Variants in FAM184B observed in about 807,000 individuals in gnomAD.
FAM184B encodes family with sequence similarity 184 member B.
FAM184B carries 111 observed loss-of-function variants against 135.9 expected under a neutral mutation model. The ratio of observed to expected loss-of-function variants is 0.82; its 90% CI spans 0.70 to 0.96. The LOEUF (loss-of-function observed/expected upper bound fraction) is 0.96. Among genes scored for constraint, FAM184B ranks in the 40% least tolerant of loss-of-function variants. The pLI is 0.00. For synonymous variants in FAM184B, 552 were observed against 524.8 expected (o/e 1.05, Z -0.71); for missense variants, 1,375 against 1,323.9 (o/e 1.04, Z -0.60).
Position 17,664,628 on chromosome 4 carries a change from G to C in FAM184B, c.1628C>G (p.Pro543Arg). The change falls in exon 8 of 18, where the codon CCG (proline) becomes CGG (arginine). Residue 543 changes from proline (P) to arginine (R), a missense_variant. Physicochemically the swap from Pro to Arg is moderately radical, Grantham distance 103 (BLOSUM62 -2). Coordinates refer to ENST00000265018, the MANE Select transcript of FAM184B (RefSeq NM_015688.2). ...DPCLKLDETS[P>R]RGEEYQDKLA... is the part of the protein sequence containing the mutation. ...CTTATCTTGATACTCCTCTCCTCTC[G>C]GCGAAGTTTCATCCAGCTTCAAGCA... 6.4e-7 allele frequency: 1 copy of C among 1,550,486 alleles called. No individual in the cohort carries two copies. Among genetic ancestry groups the C allele is most frequent in the Non-Finnish European group, 8.7e-7 (1 of 1,146,836 alleles).
chr4:17,723,863 G>C (rs1024712966), intron 1 of FAM184B, among the ~76,000 whole-genome samples: 3 of 152,112 alleles, frequency 2.0e-5, no homozygotes, highest in Non-Finnish European at 4.4e-5. Flanking sequence ...AAAGCGTAGC[G>C]TGCCTGCCAC....
intron 7 of FAM184B, among the ~76,000 whole-genome samples, chr4:17,674,581 T>C (rs10433814): frequency 0.017 from 2,608 of 152,210 alleles, 74 homozygotes; most frequent in East Asian, 0.097. Context: ...ATCGCTTGAC[T>C]CTGTCTTTCA....
rs1356765446 is a variant in FAM184B at position 17,630,179 on chromosome 4, A to G, written c.*2353T>C. ...AAGTGCAGCCTGGGAAAGTGTTTCA[A>G]CACACAAAAATAGAACCACCTGTAT... is the stretch of plus-strand genomic sequence containing the variant. On this transcript the variant is annotated 3_prime_UTR_variant, in exon 18 of 18. Coordinates refer to ENST00000265018, the MANE Select transcript of FAM184B (RefSeq NM_015688.2). The G allele has an allele frequency of 1.3e-5, 2 of 152,206 alleles. No individual in the cohort carries two copies. Among genetic ancestry groups the G allele is most frequent in the Admixed American group, 6.5e-5 (1 of 15,282 alleles). The allele number at this position is 152,206 out of a possible 1,614,324, so 9.4% of individuals were successfully genotyped here.
chr4:17,639,248 ACT>A lies in FAM184B; in HGVS notation c.2666_2666+1del, dbSNP rs1306471099. On this transcript the variant is annotated splice_donor_variant and coding_sequence_variant, in exon 14 of 18. Coordinates refer to ENST00000265018, the MANE Select transcript of FAM184B (RefSeq NM_015688.2). LOFTEE classifies it high-confidence loss of function. ...CTCCCTGGGGCCCGAGGCCTCACTT[ACT>A]CGGCTTCCAGGGCAGCCAGCCGGGC... is the stretch of plus-strand genomic sequence containing the variant. 91 of 1,551,408 alleles carry A rather than the reference ACT, an allele frequency of 5.9e-5. No homozygotes were observed. Among genetic ancestry groups the A allele is most frequent in the Non-Finnish European group, 7.9e-5 (91 of 1,146,950 alleles).
intron 5 of FAM184B, 113 bp from the exon 6 acceptor site, chr4:17,693,525 A>G (rs1716785099): frequency 1.3e-6 from 1 of 751,050 alleles, no homozygotes; most frequent in Non-Finnish European, 2.2e-6. Context: ...GTCATACAAC[A>G]CTGCAAATAA....
rs73800375 is a variant in FAM184B at position 17,737,638 on chromosome 4, G to A, written c.142-27994C>T. ...CAGCTTTGGCTCCAGAAGTTGAGTT[G>A]ACTGATTTATCTTTCGATTTTCAGT... On this transcript the variant is annotated intron_variant, in intron 1 of 17. Transcript: ENST00000265018. 8.4e-3 allele frequency among the ~76,000 whole-genome samples: 1,281 copies of A among 152,190 alleles called. 19 individuals carry two copies. Among genetic ancestry groups the A allele is most frequent in the African/African-American group, 0.028 (1,177 of 41,526 alleles).
rs1280099659 is a variant in FAM184B, at chr4:17,652,901, A to G, written c.2120T>C (p.Leu707Ser). The part of the protein sequence containing the change: ...HQTHRLELQA[L>S]EEKARQELQE... ...CAGCTCTTGCCTGGCCTTTTCCTCCAAGGCCTGGAGCTCCAGTCGGTGTGT... is the reference window on the plus strand; with the variant it reads ...CAGCTCTTGCCTGGCCTTTTCCTCCGAGGCCTGGAGCTCCAGTCGGTGTGT... Residue 707 changes from leucine to serine, a missense_variant, in exon 11 of 18, where the codon TTG becomes TCG. Leu to Ser is a moderately radical substitution (Grantham distance 145). Transcript: ENST00000265018. The G allele has an allele frequency of 5.8e-6, 9 of 1,551,570 alleles. No homozygotes were observed. The highest frequency in any genetic ancestry group is 1.4e-5 in the African/African-American group (1 of 73,028).
rs890800186 is a variant in FAM184B, at chr4:17,634,387, G to A, written c.2890-499C>T. ...CACCCAAGCTGGAGTACGGTGGTGCGATCTCAGCTCACTGCAACCTCCGCC... is the reference window on the plus strand; with the variant it reads ...CACCCAAGCTGGAGTACGGTGGTGCAATCTCAGCTCACTGCAACCTCCGCC... On this transcript the variant is annotated intron_variant, in intron 16 of 17. Coordinates refer to ENST00000265018, the MANE Select transcript of FAM184B (RefSeq NM_015688.2). 5.9e-5 allele frequency among the ~76,000 whole-genome samples: 9 copies of A among 152,246 alleles called. No individual in the cohort carries two copies. In the South Asian group the frequency reaches 8.3e-4, roughly 14 times the overall value.
At chr4:17,642,021 G>T in intron 13 of FAM184B, 35 bp downstream of exon 13, 1 of 1,504,500 alleles carries the variant, frequency 6.6e-7, no homozygotes, top group South Asian at 1.3e-5. Flanking sequence ...AGGGGGTGAG[G>T]GTGGCGCGGT....
intron 1 of FAM184B, among the ~76,000 whole-genome samples, chr4:17,765,942 G>A (rs1488619957): frequency 2.6e-5 from 4 of 152,210 alleles, no homozygotes; most frequent in Middle Eastern, 3.4e-3. Context: ...AGCACATCTA[G>A]AATTACTCCT....
intron 10 of FAM184B, among the ~76,000 whole-genome samples, chr4:17,656,572 T>G (rs1412527243): frequency 6.6e-6 from 1 of 152,172 alleles, no homozygotes; most frequent in Non-Finnish European, 1.5e-5. Context: ...TGGCTAATTT[T>G]TGTATTTTTA....
In FAM184B at chr4:17,647,646, G is replaced by T; in HGVS notation, c.2337C>A (p.Ile779=). ...QCPGDSKDHI[I]ATEERGGPGQ... ...GGGCGGGGGCACTGACCTCTGTGGCGATTATGTGATCCTTGCTGTCTCCTG... is the reference window on the plus strand; with the variant it reads ...GGGCGGGGGCACTGACCTCTGTGGCTATTATGTGATCCTTGCTGTCTCCTG... The change falls in exon 12 of 18, where the codon ATC becomes ATA. Residue 779 remains isoleucine, a synonymous_variant. Transcript: ENST00000265018. 1.9e-6 allele frequency: 3 copies of T among 1,549,932 alleles called. No individual in the cohort carries two copies. Among genetic ancestry groups the T allele is most frequent in the Admixed American group, 2.0e-5 (1 of 50,990 alleles).
chr4:17,649,028 CT>C (rs1715538581), intron 11 of FAM184B, among the ~76,000 whole-genome samples: 1 of 152,146 alleles, frequency 6.6e-6, no homozygotes. Context: ...CTGTAATGAG[CT>C]TTTGAGACTC....
rs1026526589 is a variant in FAM184B, at chr4:17,699,333, T to C, written c.1377+5667A>G. On this transcript the variant is annotated intron_variant, in intron 5 of 17. Transcript: ENST00000265018. ...ATGGCCATAAAATTTCCAAATTTCA[T>C]GAAAACTGTAAACTCATAGATTCAA... Among the ~76,000 whole-genome samples, 6 of 152,146 alleles carry C rather than the reference T, an allele frequency of 3.9e-5. No individual in the cohort carries two copies. The East Asian group carries it at 7.7e-4, about 20-fold the overall frequency.
chr4:17,642,346 C>G, intron 12 of FAM184B, 118 bp from the exon 13 acceptor site: 1 of 1,374,508 alleles, frequency 7.3e-7, no homozygotes. Context: ...CAGGCTGGAG[C>G]CTGTGGCAGG....
At chr4:17,741,770 C>T (rs1045714493) in intron 1 of FAM184B, among the ~76,000 whole-genome samples, 1 of 152,162 alleles carries the variant, frequency 6.6e-6, no homozygotes, top group Non-Finnish European at 1.5e-5. Context: ...AGGACACTCT[C>T]CTGGGTTAAA....
intron 7 of FAM184B, among the ~76,000 whole-genome samples, chr4:17,674,239 G>C (rs187174087): frequency 2.6e-5 from 4 of 152,210 alleles, no homozygotes; most frequent in Non-Finnish European, 5.9e-5. Flanking sequence ...TGTAGGTTCA[G>C]TTCCAGACTA....
chr4:17,734,468 C>T (rs1717861039), intron 1 of FAM184B, among the ~76,000 whole-genome samples: 1 of 152,106 alleles, frequency 6.6e-6, no homozygotes, highest in African/African-American at 2.4e-5. Context: ...CTACAATGAA[C>T]TCAAACAAAT....
chr4:17,679,804 A>C (rs920566630), intron 7 of FAM184B, among the ~76,000 whole-genome samples: 27 of 152,224 alleles, frequency 1.8e-4, no homozygotes, highest in African/African-American at 6.5e-4. Context: ...GTGGTTAAAA[A>C]AAAATTGTGA....
Sources: gnomAD v4.1 joint callset for allele counts (sites outside exome capture counted in the v4.1 genomes callset) on GRCh38, gnomAD v4.1.1 for gene constraint, MANE v1.5 for transcripts, NCBI Gene and HGNC (gene_info 2026-07-23, HGNC 2026-07-21) for gene names.